ASTN1: variants seen among roughly 807,000 people sequenced by gnomAD.
The protein encoded by ASTN1 is astrotactin 1.
ASTN1 carries 41 observed loss-of-function variants against 140.7 expected under a neutral mutation model. The ratio of observed to expected loss-of-function variants is 0.29; its 90% CI spans 0.23 to 0.38. The LOEUF is 0.38. Ranked by LOEUF, ASTN1 falls within the 10% of genes least tolerant of loss-of-function variation. The pLI is 1.00. For synonymous variants in ASTN1, 640 were observed against 652.2 expected (o/e 0.98, Z 0.29); for missense variants, 1,479 against 1,678.8 (o/e 0.88, Z 2.08).
chr1:177,040,133 C>T (rs977403774), intron 2 of ASTN1, among the ~76,000 whole-genome samples: 7 of 152,204 alleles, frequency 4.6e-5, no homozygotes, highest in Non-Finnish European at 1.5e-5. Context: ...ATCCATTATC[C>T]CCTGCCCATC....
chr1:176,864,097 C>T lies in ASTN1; in HGVS notation c.*187G>A. ...GCCACTGGCTGGCAGATTTCCCAAT[C>T]ATGCAGATGGAGAACATCATACTGA... On this transcript the variant is annotated 3_prime_UTR_variant, in exon 23 of 23. Transcript: ENST00000361833. The T allele has an allele frequency of 1.4e-6, 2 of 1,418,118 alleles. No homozygotes were observed. Among genetic ancestry groups the T allele is most frequent in the Non-Finnish European group, 9.2e-7 (1 of 1,088,924 alleles). 87.8% of individuals were successfully genotyped at this position (1,418,118 alleles called of 1,614,324 possible).
intron 16 of ASTN1, among the ~76,000 whole-genome samples, chr1:176,925,169 T>G (rs2103078810): frequency 6.6e-6 from 1 of 152,216 alleles, no homozygotes; most frequent in South Asian, 2.1e-4. Flanking sequence ...TGGTCCAAAG[T>G]GAAAACCACG....
intron 16 of ASTN1, among the ~76,000 whole-genome samples, chr1:176,911,992 C>T (rs1005717192): frequency 1.3e-5 from 2 of 152,172 alleles, no homozygotes; most frequent in Non-Finnish European, 2.9e-5. Context: ...AGCTACATTA[C>T]GATCTTATGG....
In ASTN1 at chr1:177,074,335, CATA is replaced by C. The variant is rs773969255; in HGVS notation, c.284-13073_284-13071del. Among the ~76,000 whole-genome samples the C allele has an allele frequency of 3.9e-5, 6 of 152,130 alleles. No individual in the cohort carries two copies. The East Asian group carries it at 9.6e-4, about 24-fold the overall frequency. On this transcript the variant is annotated intron_variant, in intron 1 of 22. Transcript: ENST00000361833. Reference sequence around the variant, plus strand: ...TAAAGATTGTTAATCATATTGCTTTCATAATAACTGAGTCTCCATGCCCAACAA... The same window carrying C: ...TAAAGATTGTTAATCATATTGCTTTCATAACTGAGTCTCCATGCCCAACAA...
intron 1 of ASTN1, among the ~76,000 whole-genome samples, chr1:177,108,897 T>C (rs1680680155): frequency 6.6e-6 from 1 of 152,098 alleles, no homozygotes; most frequent in Non-Finnish European, 1.5e-5. Flanking sequence ...ACCAAAAGAA[T>C]GGATGAGATC....
chr1:177,022,673 A>G (rs995330140), intron 7 of ASTN1, among the ~76,000 whole-genome samples: 1 of 152,218 alleles, frequency 6.6e-6, no homozygotes, highest in Non-Finnish European at 1.5e-5. Flanking sequence ...TCTGAAGAAA[A>G]TAACTTCAAA....
chr1:177,089,095 T>G (rs1307462381), intron 1 of ASTN1, among the ~76,000 whole-genome samples: 5 of 152,156 alleles, frequency 3.3e-5, no homozygotes, highest in Non-Finnish European at 7.3e-5. Flanking sequence ...ACGCTGATTT[T>G]TCTTGGCTAT....
chr1:176,891,753 A>AT (rs1384624473), intron 17 of ASTN1, among the ~76,000 whole-genome samples: 2 of 152,200 alleles, frequency 1.3e-5, no homozygotes, highest in African/African-American at 2.4e-5. Flanking sequence ...AGAACATGCC[A>AT]TTGCACTCCA....
chr1:177,159,401 T>C (rs1647225612), intron 1 of ASTN1, among the ~76,000 whole-genome samples: 1 of 152,128 alleles, frequency 6.6e-6, no homozygotes. Flanking sequence ...CAGCTCACTG[T>C]AGTGGAGAGA....
At chr1:177,077,841 C>A (rs577716965) in intron 1 of ASTN1, among the ~76,000 whole-genome samples, 5 of 152,186 alleles carry the variant, frequency 3.3e-5, no homozygotes, top group East Asian at 1.9e-4. Context: ...GGGCACCTCA[C>A]CCAAGGGCAG....
chr1:177,156,087 T>C (rs567216958), intron 1 of ASTN1, among the ~76,000 whole-genome samples: 10 of 152,058 alleles, frequency 6.6e-5, no homozygotes, highest in African/African-American at 2.4e-4. Context: ...CTGGCCAATA[T>C]GGTGAAACTC....
intron 14 of ASTN1, among the ~76,000 whole-genome samples, chr1:176,936,992 C>CA (rs36110815): frequency 1.3e-5 from 2 of 152,062 alleles, no homozygotes; most frequent in African/African-American, 4.8e-5. Context: ...AAAAGTACTT[C>CA]AAAAAAAGAT....
At chr1:177,117,706 C>T (rs1681166148) in intron 1 of ASTN1, among the ~76,000 whole-genome samples, 1 of 152,186 alleles carries the variant, frequency 6.6e-6, no homozygotes, top group Non-Finnish European at 1.5e-5. Flanking sequence ...CACCATACTA[C>T]TCCCTGGACC....
chr1:176,950,406 C>T (rs963507943), intron 11 of ASTN1, among the ~76,000 whole-genome samples: 2 of 152,200 alleles, frequency 1.3e-5, no homozygotes, highest in African/African-American at 4.8e-5. Flanking sequence ...TAGCACACAC[C>T]ACACTTAACC....
chr1:176,894,878 G>A (rs766589661), intron 16 of ASTN1, 48 bp from the exon 17 acceptor site: 2 of 1,605,228 alleles, frequency 1.2e-6, no homozygotes, highest in Non-Finnish European at 1.7e-6. Flanking sequence ...AAAAAAGTAA[G>A]GACTATCATG....
intron 1 of ASTN1, among the ~76,000 whole-genome samples, chr1:177,080,540 T>C (rs1679130640): frequency 1.3e-5 from 2 of 152,232 alleles, no homozygotes; most frequent in Admixed American, 1.3e-4. Context: ...TTTTCCGTAT[T>C]TGTGAATATG....
At chr1:177,009,704 T>C (rs1325308876) in intron 8 of ASTN1, among the ~76,000 whole-genome samples, 3 of 152,162 alleles carry the variant, frequency 2.0e-5, no homozygotes, top group Non-Finnish European at 4.4e-5. Context: ...GGTAAGTGCA[T>C]TGCCTCCAGA....
chr1:177,015,372 G>A (rs1042213900), intron 7 of ASTN1, among the ~76,000 whole-genome samples: 3 of 152,168 alleles, frequency 2.0e-5, no homozygotes, highest in South Asian at 4.1e-4. Flanking sequence ...TAGACAGCTT[G>A]TAAGTGACAG....
At position 177,161,351 on chromosome 1, in the gene ASTN1, C is replaced by A. The variant is rs544138042; in HGVS notation, c.283+3043G>T. On this transcript the variant is annotated intron_variant, in intron 1 of 22. Transcript: ENST00000361833. ...CATATTCACTCCCACCACCAAATGC[C>A]TTTGCTCATCTTTTCTCCATGACCT... Among the ~76,000 whole-genome samples, 8 of 152,348 alleles carry A rather than the reference C, an allele frequency of 5.3e-5. No individual in the cohort carries two copies. The East Asian group carries it at 1.4e-3, about 26-fold the overall frequency.
Sources: gnomAD v4.1 joint callset for allele counts (sites outside exome capture counted in the v4.1 genomes callset) on GRCh38, gnomAD v4.1.1 for gene constraint, MANE v1.5 for transcripts, NCBI Gene and HGNC (gene_info 2026-07-23, HGNC 2026-07-21) for gene names.